Variants in ATP8B4 observed in about 807,000 individuals in gnomAD.
ATP8B4 encodes probable phospholipid-transporting ATPase IM.
ATP8B4 carries 133 observed loss-of-function variants against 145.6 expected under a neutral mutation model. That is an observed-to-expected ratio of 0.91 (90% CI 0.79 to 1.05). The LOEUF is 1.05. Ranked by LOEUF, ATP8B4 falls within the 50% of genes least tolerant of loss-of-function variation. ATP8B4 has a pLI of 0.00. For synonymous variants in ATP8B4, 507 were observed against 492.9 expected, an observed-to-expected ratio of 1.03 and a Z score of -0.38; for missense variants, 1,458 against 1,425.2, an observed-to-expected ratio of 1.02 and a Z score of -0.37.
intron 24 of ATP8B4, 196 bp from the exon 25 acceptor site, chr15:49,876,719 G>A (rs756291184): frequency 1.2e-6 from 1 of 835,814 alleles, no homozygotes; most frequent in South Asian, 1.4e-5. Context: ...CTACTTTACA[G>A]AGAAGGAGCT....
intron 14 of ATP8B4, among the ~76,000 whole-genome samples, chr15:49,944,315 C>G (rs1175610211): frequency 2.0e-5 from 3 of 152,028 alleles, no homozygotes; most frequent in African/African-American, 7.3e-5. Context: ...CTATATGCTG[C>G]CTGCAAGAAA....
At chr15:49,868,970 G>A (rs2033254783) in intron 25 of ATP8B4, among the ~76,000 whole-genome samples, 1 of 152,154 alleles carries the variant, frequency 6.6e-6, no homozygotes, top group Admixed American at 6.5e-5. Flanking sequence ...CGCCAATGGT[G>A]TGATCTTGGC....
chr15:49,972,691 C>A lies in ATP8B4; in HGVS notation c.1134G>T (p.Thr378=). ...KAIPAVARTT[T]LNEELGQIEY... is the part of the protein sequence containing the mutation. ...CAATCTGCCCCAGTTCCTCATTGAG[C>A]GTGGTCGTTCGAGCCACTGCAGGTA... Residue 378 remains threonine (T), a synonymous_variant, in exon 13 of 28, where the codon ACG becomes ACT. Transcript: ENST00000284509. The A allele has an allele frequency of 6.2e-7, 1 of 1,613,838 alleles. No homozygotes were observed. Among genetic ancestry groups the A allele is most frequent in the Non-Finnish European group, 8.5e-7 (1 of 1,179,964 alleles).
At chr15:49,893,412 A>G (rs1598959854) in intron 23 of ATP8B4, among the ~76,000 whole-genome samples, 2 of 152,224 alleles carry the variant, frequency 1.3e-5, no homozygotes, top group East Asian at 3.8e-4. Flanking sequence ...ATGTCCATAG[A>G]TGGATACATG....
intron 2 of ATP8B4, among the ~76,000 whole-genome samples, chr15:50,098,795 G>A (rs2056160237): frequency 6.6e-6 from 1 of 152,082 alleles, no homozygotes; most frequent in African/African-American, 2.4e-5. Flanking sequence ...TATCCATGAG[G>A]CATAGTAGGC....
At chr15:49,873,539 T>TAA (rs544331840) in intron 25 of ATP8B4, among the ~76,000 whole-genome samples, 50 of 152,320 alleles carry the variant, frequency 3.3e-4, no homozygotes, top group Middle Eastern at 6.8e-3. Flanking sequence ...TATATATATA[T>TAA]AATCCGATTT....
chr15:49,919,689 T>C (rs4407015), intron 18 of ATP8B4, among the ~76,000 whole-genome samples: 34,701 of 151,984 alleles, frequency 0.23, 5,664 homozygotes, highest in African/African-American at 0.46. Context: ...AGTGCTGGGA[T>C]TACAGGTGTG....
At chr15:50,112,087 G>T (rs1248647255) in intron 1 of ATP8B4, among the ~76,000 whole-genome samples, 1 of 152,184 alleles carries the variant, frequency 6.6e-6, no homozygotes, top group African/African-American at 2.4e-5. Context: ...GAGCTAGAGG[G>T]CATGTGGTAA....
intron 20 of ATP8B4, among the ~76,000 whole-genome samples, chr15:49,916,096 G>C (rs1279162405): frequency 6.6e-6 from 1 of 151,922 alleles, no homozygotes; most frequent in Non-Finnish European, 1.5e-5. Flanking sequence ...TAAGTGAGCT[G>C]AGCTTAGAGA....
At chr15:50,023,554 A>G (rs1338233214) in intron 6 of ATP8B4, among the ~76,000 whole-genome samples, 3 of 152,104 alleles carry the variant, frequency 2.0e-5, no homozygotes, top group African/African-American at 7.2e-5. Context: ...TTGTTTTCCT[A>G]TCATTCTTTT....
At chr15:49,984,173 T>C (rs577964427) in intron 10 of ATP8B4, among the ~76,000 whole-genome samples, 176 of 152,308 alleles carry the variant, frequency 1.2e-3, no homozygotes, top group African/African-American at 4.2e-3. Context: ...TGAAACTGAG[T>C]TTAAATAATT....
intron 2 of ATP8B4, among the ~76,000 whole-genome samples, chr15:50,102,262 T>A (rs1478303421): frequency 6.6e-6 from 1 of 150,890 alleles, no homozygotes; most frequent in Non-Finnish European, 1.5e-5. Context: ...CTAAATGAAT[T>A]TGAAACAAAA....
rs1595631671 is a variant in ATP8B4 at position 50,131,794 on chromosome 15, T to C, written c.-42-24786A>G. Among the ~76,000 whole-genome samples, 3 of 149,052 alleles carry C rather than the reference T, an allele frequency of 2.0e-5. No individual in the cohort carries two copies. The East Asian group carries it at 5.8e-4, about 29-fold the overall frequency. Reference sequence around the variant, plus strand: ...ATTAACTGAAATATAAATATTTTAATACTAAAATACTAAAAATATTTATAT... The same window carrying C: ...ATTAACTGAAATATAAATATTTTAACACTAAAATACTAAAAATATTTATAT... On this transcript the variant is annotated intron_variant, in intron 1 of 3. Coordinates refer to the ATP8B4 transcript ENST00000558829.
chr15:49,948,424 G>A (rs1455357600), intron 14 of ATP8B4, among the ~76,000 whole-genome samples: 1 of 152,146 alleles, frequency 6.6e-6, no homozygotes, highest in Non-Finnish European at 1.5e-5. Flanking sequence ...ACTCCAGCCT[G>A]GGTGACAGAG....
chr15:49,877,734 C>T (rs1196584888), intron 24 of ATP8B4, among the ~76,000 whole-genome samples: 1 of 152,070 alleles, frequency 6.6e-6, no homozygotes, highest in Non-Finnish European at 1.5e-5. Flanking sequence ...TAACACCTCC[C>T]ACATGGAACT....
chr15:49,947,318 C>G (rs779728859), intron 14 of ATP8B4, among the ~76,000 whole-genome samples: 4 of 151,406 alleles, frequency 2.6e-5, no homozygotes, highest in Non-Finnish European at 5.9e-5. Flanking sequence ...GTAGTCCCAG[C>G]TACTTGGGAG....
intron 1 of ATP8B4, among the ~76,000 whole-genome samples, chr15:50,109,790 T>G (rs1335702093): frequency 5.3e-5 from 8 of 152,096 alleles, no homozygotes; most frequent in Admixed American, 5.2e-4. Context: ...GAGGTACTGG[T>G]ACTAACAGTT....
chr15:50,081,163 T>G (rs1460790780), intron 2 of ATP8B4, among the ~76,000 whole-genome samples: 7 of 150,992 alleles, frequency 4.6e-5, no homozygotes, highest in African/African-American at 1.7e-4. Flanking sequence ...CGCTTGGACC[T>G]TGAGACAACA....
chr15:50,166,686 TTGTC>T (rs1249979757), intron 1 of ATP8B4, among the ~76,000 whole-genome samples: 2 of 152,198 alleles, frequency 1.3e-5, no homozygotes, highest in African/African-American at 4.8e-5. Context: ...ATGTGGGTGA[TTGTC>T]TGGGCTACCA....
Sources: allele counts gnomAD v4.1 joint callset (sites outside exome capture counted in the v4.1 genomes callset), GRCh38; gene constraint gnomAD v4.1.1; transcripts MANE v1.5; gene names NCBI Gene and HGNC (gene_info 2026-07-23, HGNC 2026-07-21).